Variants in STAG1 observed in about 807,000 individuals in gnomAD.
STAG1 encodes the protein STAG1 cohesin complex component, also known as cohesin subunit SA-1.
Under a neutral mutation model 170.9 loss-of-function variants are expected in STAG1, and 26 were observed. The ratio of observed to expected loss-of-function variants is 0.15; its 90% CI spans 0.11 to 0.21. The LOEUF (loss-of-function observed/expected upper bound fraction) is 0.21. Among genes scored for constraint, STAG1 ranks in the 10% least tolerant of loss-of-function variants. The pLI, the probability that STAG1 is intolerant of heterozygous loss-of-function variation, is 1.00. For synonymous variants in STAG1, 514 were observed against 497.7 expected (o/e 1.03, Z -0.44); for missense variants, 964 against 1,509.5 (o/e 0.64, Z 5.99).
chr3:136,533,210 T>A (rs28811905), intron 6 of STAG1, among the ~76,000 whole-genome samples: 1 of 151,544 alleles, frequency 6.6e-6, no homozygotes, highest in African/African-American at 2.4e-5. Context: ...AAGTGAAGGA[T>A]CTCTATAAGG....
At chr3:136,562,418 G>A (rs1170103146) in intron 5 of STAG1, among the ~76,000 whole-genome samples, 4 of 150,976 alleles carry the variant, frequency 2.6e-5, no homozygotes, top group Non-Finnish European at 4.4e-5. Context: ...CCACCACCAC[G>A]CCCGGCTAAT....
At chr3:136,444,139 C>G (rs2088710016) in intron 14 of STAG1, among the ~76,000 whole-genome samples, 1 of 151,662 alleles carries the variant, frequency 6.6e-6, no homozygotes, top group Admixed American at 6.6e-5. Context: ...AGTGGTGTGA[C>G]CTCAGCTCAC....
intron 7 of STAG1, among the ~76,000 whole-genome samples, chr3:136,516,620 T>C (rs2107896440): frequency 6.6e-6 from 1 of 152,340 alleles, no homozygotes; most frequent in East Asian, 1.9e-4. Context: ...CCATCTGTCA[T>C]GTCTTATTAC....
chr3:136,603,892 AAAAG>A (rs963097348), intron 4 of STAG1, among the ~76,000 whole-genome samples: 44 of 152,128 alleles, frequency 2.9e-4, no homozygotes, highest in Admixed American at 7.2e-4. Context: ...GTCTCAAAAA[AAAAG>A]AAAGAAAGAA....
At chr3:136,659,113 G>A (rs975600683) in intron 1 of STAG1, among the ~76,000 whole-genome samples, 5 of 152,152 alleles carry the variant, frequency 3.3e-5, no homozygotes, top group African/African-American at 1.2e-4. Flanking sequence ...ACTCCTCTGA[G>A]ACAGGTACTT....
chr3:136,404,881 G>C (rs923017295), intron 21 of STAG1, among the ~76,000 whole-genome samples: 21 of 152,142 alleles, frequency 1.4e-4, no homozygotes, highest in Non-Finnish European at 2.8e-4. Flanking sequence ...GTGTGTGTGT[G>C]TGTGTGTGTG....
chr3:136,490,833 A>G (rs1435890313), intron 9 of STAG1, among the ~76,000 whole-genome samples: 1 of 152,164 alleles, frequency 6.6e-6, no homozygotes, highest in Non-Finnish European at 1.5e-5. Flanking sequence ...AAAGTACTTA[A>G]ATCTGTCCTC....
At chr3:136,614,867 C>T (rs867468526) in intron 3 of STAG1, among the ~76,000 whole-genome samples, 63 of 151,950 alleles carry the variant, frequency 4.1e-4, no homozygotes, top group African/African-American at 1.4e-3. Context: ...TAATCCACAC[C>T]GTATCACAAA....
chr3:136,458,099 GTTA>G (rs1232373611), intron 13 of STAG1, among the ~76,000 whole-genome samples: 2 of 152,138 alleles, frequency 1.3e-5, no homozygotes, highest in Admixed American at 1.3e-4. Context: ...TACAATCAAA[GTTA>G]TTATAAGTTT....
intron 1 of STAG1, among the ~76,000 whole-genome samples, chr3:136,695,378 A>C (rs1942853214): frequency 6.6e-6 from 1 of 151,798 alleles, no homozygotes; most frequent in African/African-American, 2.4e-5. Flanking sequence ...TGGAGGTTGC[A>C]GTGCGCCGAG....
chr3:136,650,063 A>G (rs1193640273), intron 1 of STAG1, among the ~76,000 whole-genome samples: 1 of 152,074 alleles, frequency 6.6e-6, no homozygotes, highest in Non-Finnish European at 1.5e-5. Flanking sequence ...CATCACGCCC[A>G]GCCAAAAAAA....
intron 1 of STAG1, among the ~76,000 whole-genome samples, chr3:136,750,123 T>G (rs1935154052): frequency 6.6e-6 from 1 of 152,206 alleles, no homozygotes; most frequent in South Asian, 2.1e-4. Context: ...TTACAGCAAT[T>G]AAATGTGTGT....
chr3:136,711,327 A>G (rs1304861670), intron 1 of STAG1, among the ~76,000 whole-genome samples: 1 of 152,160 alleles, frequency 6.6e-6, no homozygotes, highest in African/African-American at 2.4e-5. Context: ...AATGCAAAAG[A>G]ACAGACTAGC....
chr3:136,690,329 C>T (rs13433688), intron 1 of STAG1, among the ~76,000 whole-genome samples: 25,157 of 152,200 alleles, frequency 0.17, 2,471 homozygotes, highest in Non-Finnish European at 0.22. Flanking sequence ...CTCCACGTCC[C>T]GTGCTCAAGT....
intron 25 of STAG1, among the ~76,000 whole-genome samples, chr3:136,364,917 G>T (rs1332186532): frequency 1.3e-5 from 2 of 152,170 alleles, no homozygotes; most frequent in East Asian, 1.9e-4. Flanking sequence ...GTGCAAAGAA[G>T]AATTATCTCA....
At chr3:136,491,347 A>G (rs573684635) in intron 9 of STAG1, among the ~76,000 whole-genome samples, 4 of 152,236 alleles carry the variant, frequency 2.6e-5, no homozygotes, top group Admixed American at 2.0e-4. Flanking sequence ...TACCCTTCCC[A>G]TATCAGAAAG....
At chr3:136,360,400 T>C (rs1184447385) in intron 26 of STAG1, among the ~76,000 whole-genome samples, 1 of 152,162 alleles carries the variant, frequency 6.6e-6, no homozygotes, top group African/African-American at 2.4e-5. Flanking sequence ...TTGACCCCAT[T>C]TCCTCTGCCA....
intron 7 of STAG1, among the ~76,000 whole-genome samples, chr3:136,519,250 CCTTTT>C (rs1302023022): frequency 2.0e-5 from 3 of 152,084 alleles, no homozygotes; most frequent in African/African-American, 7.2e-5. Flanking sequence ...ATACAATTAA[CCTTTT>C]AAACAGAATG....
At chr3:136,645,522 TGGATGAAGTAATAAA>T (rs1940974635) in intron 1 of STAG1, among the ~76,000 whole-genome samples, 1 of 152,230 alleles carries the variant, frequency 6.6e-6, no homozygotes, top group Admixed American at 6.5e-5. Context: ...CAAATGTTAC[TGGATGAAGTAATAAA>T]TCTTTTCTTC....
Sources: gnomAD v4.1 joint callset for allele counts (sites outside exome capture counted in the v4.1 genomes callset) on GRCh38, gnomAD v4.1.1 for gene constraint, MANE v1.5 for transcripts, NCBI Gene and HGNC (gene_info 2026-07-23, HGNC 2026-07-21) for gene names.